Variants in MIPOL1 observed in about 807,000 individuals in gnomAD.
The protein encoded by MIPOL1 is mirror-image polydactyly 1.
MIPOL1 carries 57 observed loss-of-function variants against 60.9 expected under a neutral mutation model. That is an observed-to-expected ratio of 0.94 (90% confidence interval 0.76 to 1.17). The LOEUF is 1.17. MIPOL1 is among the 50% of genes most tolerant of loss of function. The probability of loss-of-function intolerance (pLI) is 0.00; values close to 1 mark genes in which losing one functional copy is unlikely to be tolerated. For synonymous variants in MIPOL1, 179 were observed against 168.8 expected (o/e 1.06, Z -0.47); for missense variants, 551 against 511.6 (o/e 1.08, Z -0.74).
At chr14:37,542,778 T>G (rs1372537285) in intron 12 of MIPOL1, among the ~76,000 whole-genome samples, 1 of 152,198 alleles carries the variant, frequency 6.6e-6, no homozygotes, top group East Asian at 1.9e-4. Context: ...TTACTGCTTC[T>G]TATGAGTAAG....
At chr14:37,469,336 G>C (rs1336769585) in intron 11 of MIPOL1, among the ~76,000 whole-genome samples, 1 of 152,028 alleles carries the variant, frequency 6.6e-6, no homozygotes, top group Non-Finnish European at 1.5e-5. Context: ...GAGCAGGGGG[G>C]TGCTACATAC....
chr14:37,357,384 T>G (rs1336962491), intron 9 of MIPOL1, among the ~76,000 whole-genome samples: 1 of 152,092 alleles, frequency 6.6e-6, no homozygotes. Flanking sequence ...TGTTCACCCT[T>G]TTCACCCTTT....
intron 9 of MIPOL1, among the ~76,000 whole-genome samples, chr14:37,351,880 G>C (rs951160406): frequency 1.3e-5 from 2 of 151,468 alleles, no homozygotes; most frequent in Non-Finnish European, 2.9e-5. Flanking sequence ...TCTGATGGTA[G>C]TTTCTCTTGC....
chr14:37,512,170 C>CAG (rs1566749019), intron 12 of MIPOL1, among the ~76,000 whole-genome samples: 1 of 151,798 alleles, frequency 6.6e-6, no homozygotes, highest in Non-Finnish European at 1.5e-5. Flanking sequence ...ACCAAACACA[C>CAG]ACACACACAC....
intron 10 of MIPOL1, among the ~76,000 whole-genome samples, chr14:37,396,325 G>A (rs1351190693): frequency 6.6e-6 from 1 of 152,132 alleles, no homozygotes; most frequent in African/African-American, 2.4e-5. Flanking sequence ...AGCTTGTAGG[G>A]TTTCAGCTGA....
chr14:37,458,870 T>C (rs1250067155), intron 11 of MIPOL1, among the ~76,000 whole-genome samples: 1 of 150,964 alleles, frequency 6.6e-6, no homozygotes, highest in East Asian at 1.9e-4. Flanking sequence ...AATAAATAAA[T>C]AAATAAATAA....
intron 1 of MIPOL1, among the ~76,000 whole-genome samples, chr14:37,214,805 C>G (rs1444670194): frequency 6.6e-6 from 1 of 152,092 alleles, no homozygotes; most frequent in African/African-American, 2.4e-5. Context: ...CACCCATTAC[C>G]AAGCGGACCG....
chr14:37,521,462 A>G (rs1304724017), intron 12 of MIPOL1, among the ~76,000 whole-genome samples: 1 of 152,156 alleles, frequency 6.6e-6, no homozygotes, highest in Non-Finnish European at 1.5e-5. Context: ...TCGTGAAGAG[A>G]ATCCTGAGGT....
intron 10 of MIPOL1, among the ~76,000 whole-genome samples, chr14:37,418,740 G>T (rs919287753): frequency 1.3e-5 from 2 of 151,996 alleles, no homozygotes; most frequent in South Asian, 4.1e-4. Flanking sequence ...TCATAGGTTG[G>T]TTATGAGAAT....
intron 7 of MIPOL1, among the ~76,000 whole-genome samples, chr14:37,306,496 G>A (rs1407813934): frequency 6.6e-6 from 1 of 151,772 alleles, no homozygotes; most frequent in African/African-American, 2.4e-5. Context: ...AAGTTTATAA[G>A]CATTTTAATT....
At chr14:37,437,632 C>G (rs1250773121) in intron 11 of MIPOL1, among the ~76,000 whole-genome samples, 1 of 152,132 alleles carries the variant, frequency 6.6e-6, no homozygotes, top group African/African-American at 2.4e-5. Flanking sequence ...GCTAACACCA[C>G]AGTAAGACAG....
At chr14:37,211,713 G>T (rs1277639176) in intron 1 of MIPOL1, among the ~76,000 whole-genome samples, 1 of 152,050 alleles carries the variant, frequency 6.6e-6, no homozygotes, top group East Asian at 1.9e-4. Context: ...TGGTTGGGGG[G>T]CATGTGACAT....
At chr14:37,260,890 A>G (rs1328291114) in intron 3 of MIPOL1, among the ~76,000 whole-genome samples, 2 of 152,104 alleles carry the variant, frequency 1.3e-5, no homozygotes, top group Non-Finnish European at 2.9e-5. Context: ...AATTAATATC[A>G]TAGAATATGT....
chr14:37,248,594 T>C (rs973059428), intron 3 of MIPOL1, among the ~76,000 whole-genome samples: 6 of 151,780 alleles, frequency 4.0e-5, no homozygotes, highest in African/African-American at 9.7e-5. Flanking sequence ...TTCAGACATA[T>C]AGCGAAAGAG....
intron 5 of MIPOL1, among the ~76,000 whole-genome samples, chr14:37,270,130 G>A (rs1333624285): frequency 6.6e-6 from 1 of 151,950 alleles, no homozygotes; most frequent in African/African-American, 2.4e-5. Context: ...CATCTGAACT[G>A]CAGTAGTTAT....
At chr14:37,487,415 C>T (rs961383299) in intron 11 of MIPOL1, among the ~76,000 whole-genome samples, 1 of 152,130 alleles carries the variant, frequency 6.6e-6, no homozygotes, top group Non-Finnish European at 1.5e-5. Flanking sequence ...AGGAATGGTA[C>T]CAGCTCTTCT....
intron 6 of MIPOL1, among the ~76,000 whole-genome samples, chr14:37,281,985 A>C (rs570729724): frequency 1.3e-5 from 2 of 152,170 alleles, no homozygotes; most frequent in South Asian, 4.1e-4. Flanking sequence ...CTGGCATTTA[A>C]ATTTTAACCT....
At chr14:37,320,015 G>T (rs971776885) in intron 9 of MIPOL1, among the ~76,000 whole-genome samples, 1 of 152,022 alleles carries the variant, frequency 6.6e-6, no homozygotes, top group Admixed American at 6.6e-5. Context: ...ATGTTCCCTT[G>T]TGTGAATATG....
intron 12 of MIPOL1, among the ~76,000 whole-genome samples, chr14:37,517,421 G>A (rs552929804): frequency 6.6e-6 from 1 of 152,232 alleles, no homozygotes; most frequent in African/African-American, 2.4e-5. Flanking sequence ...AGTAAAGAGG[G>A]TTCTGTGCAT....
Sources: allele counts gnomAD v4.1 joint callset (sites outside exome capture counted in the v4.1 genomes callset), GRCh38; gene constraint gnomAD v4.1.1; transcripts MANE v1.5; gene names NCBI Gene and HGNC (gene_info 2026-07-23, HGNC 2026-07-21).